The following FRMD4B variants were observed in gnomAD, a reference collection of about 807,000 sequenced individuals.
FRMD4B encodes the protein FERM domain-containing protein 4B.
In FRMD4B, 74 loss-of-function variants were observed where a neutral mutation model predicts 141.5. That is an observed-to-expected ratio of 0.52 (90% CI 0.43 to 0.63). The LOEUF (loss-of-function observed/expected upper bound fraction) is 0.63. Ranked by LOEUF, FRMD4B falls within the 30% of genes least tolerant of loss-of-function variation. The pLI, the probability that FRMD4B is intolerant of heterozygous loss-of-function variation, is 0.00. For synonymous variants in FRMD4B, 506 were observed against 467.9 expected (o/e 1.08, Z -1.05); for missense variants, 1,366 against 1,253.4 (o/e 1.09, Z -1.36).
chr3:69,487,517 T>C (rs956374150), intron 1 of FRMD4B, among the ~76,000 whole-genome samples: 10 of 152,182 alleles, frequency 6.6e-5, no homozygotes, highest in Non-Finnish European at 1.3e-4. Context: ...GAGACTCCAC[T>C]ATCTTAGGAG....
At chr3:69,258,363 T>C (rs935108784) in intron 5 of FRMD4B, among the ~76,000 whole-genome samples, 1 of 152,226 alleles carries the variant, frequency 6.6e-6, no homozygotes, top group Non-Finnish European at 1.5e-5. Flanking sequence ...TGTTTGTTAC[T>C]CATGTAATCA....
chr3:69,393,719 CA>C (rs1175141132), intron 2 of FRMD4B, among the ~76,000 whole-genome samples: 5 of 151,852 alleles, frequency 3.3e-5, no homozygotes, highest in East Asian at 3.8e-4. Flanking sequence ...ACAATGACAA[CA>C]AAAAAAGTCA....
At chr3:69,311,596 C>T (rs1575718928) in intron 2 of FRMD4B, among the ~76,000 whole-genome samples, 1 of 152,244 alleles carries the variant, frequency 6.6e-6, no homozygotes, top group Non-Finnish European at 1.5e-5. Flanking sequence ...TTGCAATTCA[C>T]TCAAGTACCT....
chr3:69,248,886 G>A (rs1015915767), intron 7 of FRMD4B, among the ~76,000 whole-genome samples: 1 of 152,056 alleles, frequency 6.6e-6, no homozygotes, highest in South Asian at 2.1e-4. Flanking sequence ...ATAACTCTTC[G>A]AACACAAGAT....
chr3:69,260,919 G>T (rs2093523002), intron 5 of FRMD4B, among the ~76,000 whole-genome samples: 1 of 152,208 alleles, frequency 6.6e-6, no homozygotes, highest in Non-Finnish European at 1.5e-5. Flanking sequence ...CTAGCTCAGG[G>T]ACTGTAATCG....
At chr3:69,471,713 G>T in intron 1 of FRMD4B, 1 of 163,014 alleles carries the variant, frequency 6.1e-6, no homozygotes, top group South Asian at 1.7e-4. Flanking sequence ...TGGATTGTTT[G>T]GTTGAGAACG....
At chr3:69,457,169 T>A (rs1245352491) in intron 1 of FRMD4B, among the ~76,000 whole-genome samples, 1 of 152,108 alleles carries the variant, frequency 6.6e-6, no homozygotes, top group Non-Finnish European at 1.5e-5. Flanking sequence ...AAGGAGGGAA[T>A]TATTTATTCA....
intron 2 of FRMD4B, among the ~76,000 whole-genome samples, chr3:69,312,476 T>C (rs1010218043): frequency 1.3e-5 from 2 of 152,170 alleles, no homozygotes; most frequent in Non-Finnish European, 2.9e-5. Context: ...GAAAAGAATT[T>C]AGGTTTGGTT....
intron 1 of FRMD4B, among the ~76,000 whole-genome samples, chr3:69,507,012 T>G (rs1706607208): frequency 6.6e-6 from 1 of 152,208 alleles, no homozygotes; most frequent in South Asian, 2.1e-4. Flanking sequence ...TAAATTAAAT[T>G]GTACAGGATT....
rs1026028045 is a variant in FRMD4B, at chr3:69,448,182, A to C, written c.-128-15421T>G. On this transcript the variant is annotated intron_variant, in intron 1 of 5. Coordinates refer to the FRMD4B transcript ENST00000459638. ...GTAGCTGGGATTACAGGCGTGTGCCACCACACCTGGCTAATTTTTGTATTT... is the reference window on the plus strand; with the variant it reads ...GTAGCTGGGATTACAGGCGTGTGCCCCCACACCTGGCTAATTTTTGTATTT... 9.2e-5 allele frequency among the ~76,000 whole-genome samples: 14 copies of C among 152,046 alleles called. No homozygotes were observed. The East Asian group carries it at 2.5e-3, about 27-fold the overall frequency.
chr3:69,392,006 C>T (rs987084664), intron 2 of FRMD4B, among the ~76,000 whole-genome samples: 1 of 152,216 alleles, frequency 6.6e-6, no homozygotes, highest in South Asian at 2.1e-4. Flanking sequence ...TCCCCAGTGG[C>T]TGGCACATAG....
intron 1 of FRMD4B, among the ~76,000 whole-genome samples, chr3:69,522,848 C>T (rs1293379489): frequency 6.6e-6 from 1 of 152,108 alleles, no homozygotes; most frequent in East Asian, 1.9e-4. Flanking sequence ...GATCACAGTC[C>T]AGCACATAGC....
intron 2 of FRMD4B, among the ~76,000 whole-genome samples, chr3:69,411,018 C>T (rs950539199): frequency 2.0e-5 from 3 of 151,976 alleles, no homozygotes; most frequent in African/African-American, 7.3e-5. Flanking sequence ...TCCCATGGGC[C>T]GTATTCTCCT....
chr3:69,366,060 A>AACAC (rs4063529), intron 1 of FRMD4B, among the ~76,000 whole-genome samples: 1,767 of 127,150 alleles, frequency 0.014, 28 homozygotes, highest in African/African-American at 0.034. Flanking sequence ...ACCTCTACAA[A>AACAC]ACACACACAC....
intron 10 of FRMD4B, 67 bp from the exon 11 acceptor site, chr3:69,216,416 A>G: frequency 2.9e-6 from 2 of 692,048 alleles, no homozygotes; most frequent in Non-Finnish European, 2.4e-6. Flanking sequence ...AATAAAATTT[A>G]CCAATTTCAC....
intron 2 of FRMD4B, among the ~76,000 whole-genome samples, chr3:69,407,678 A>C (rs1350694494): frequency 1.3e-5 from 2 of 152,220 alleles, no homozygotes; most frequent in African/African-American, 4.8e-5. Context: ...TGCCAAGTCC[A>C]GTTGATTGGT....
chr3:69,176,449 C>G (rs141472756), intron 22 of FRMD4B, 75 bp downstream of exon 22: 7 of 1,260,638 alleles, frequency 5.6e-6, no homozygotes, highest in Middle Eastern at 1.9e-4. Context: ...GATTATCTGA[C>G]GTTTGTAAAT....
At chr3:69,221,704 T>C (rs2093196517) in intron 9 of FRMD4B, among the ~76,000 whole-genome samples, 154 bp downstream of exon 9, 1 of 152,326 alleles carries the variant, frequency 6.6e-6, no homozygotes, top group South Asian at 2.1e-4. Context: ...CACCAATGTA[T>C]AGAATGACCG....
intron 2 of FRMD4B, among the ~76,000 whole-genome samples, chr3:69,424,652 TA>T (rs1241740723): frequency 1.3e-5 from 2 of 152,162 alleles, no homozygotes; most frequent in African/African-American, 2.4e-5. Context: ...ACAAATGAGA[TA>T]TTTTTTCTCC....
Sources: gnomAD v4.1 joint callset for allele counts (sites outside exome capture counted in the v4.1 genomes callset) on GRCh38, gnomAD v4.1.1 for gene constraint, MANE v1.5 for transcripts, NCBI Gene and HGNC (gene_info 2026-07-23, HGNC 2026-07-21) for gene names.